The following KCNMA1 variants were observed in gnomAD, a reference collection of about 807,000 sequenced individuals.
KCNMA1 encodes Calcium-activated potassium channel subunit alpha-1.
Under a neutral mutation model 140.0 loss-of-function variants are expected in KCNMA1, and 29 were observed. That is an observed-to-expected ratio of 0.21 (90% CI 0.15 to 0.28). The LOEUF is 0.28. Ranked by LOEUF, KCNMA1 falls within the 10% of genes least tolerant of loss-of-function variation. KCNMA1 has a pLI of 1.00. For missense variants in KCNMA1, 880 were observed against 1,602.2 expected, an observed-to-expected ratio of 0.55 and a Z score of 7.70; for synonymous variants, 612 against 611.9, an observed-to-expected ratio of 1.00 and a Z score of 0.00.
chr10:77,177,890 G>C lies in KCNMA1; in HGVS notation c.808+5531C>G, dbSNP rs184578796. 2.0e-5 allele frequency among the ~76,000 whole-genome samples: 3 copies of C among 152,278 alleles called. No homozygotes were observed. The East Asian group carries it at 5.8e-4, about 29-fold the overall frequency. On this transcript the variant is annotated intron_variant, in intron 5 of 27. Transcript: ENST00000286628. ...TTTATTTTGGTTCCAAAATGAGATT[G>C]AAACTTTAGTCTCAAACAGGAACAA...
At chr10:77,637,201 C>T (rs1381818209) in intron 1 of KCNMA1, 64 bp downstream of exon 1, 28 of 1,443,656 alleles carry the variant, frequency 1.9e-5, no homozygotes, top group Non-Finnish European at 2.6e-5. Flanking sequence ...AGGAGGTGGG[C>T]TGCAGGGGAC....
intron 6 of KCNMA1, among the ~76,000 whole-genome samples, chr10:77,120,674 G>A (rs935600151): frequency 6.6e-6 from 1 of 152,028 alleles, no homozygotes; most frequent in African/African-American, 2.4e-5. Flanking sequence ...CCTTGACACC[G>A]TGGCTCTTAT....
In KCNMA1 at chr10:77,104,219, TG is replaced by T. The variant is rs200678050; in HGVS notation, c.1223+4261del. Among the ~76,000 whole-genome samples the T allele has an allele frequency of 8.9e-3, 1,350 of 152,340 alleles. 14 individuals carry two copies. Among genetic ancestry groups the T allele is most frequent in the South Asian group, 0.027 (130 of 4,818 alleles). On this transcript the variant is annotated intron_variant, in intron 9 of 27. Transcript: ENST00000286628. ...TTACTATTGCCAGAGAAGGCAGTCC[TG>T]GGGCTTTAGGCTGCACTGATTCACA...
At chr10:77,344,822 T>C (rs1236057931) in intron 2 of KCNMA1, among the ~76,000 whole-genome samples, 1 of 152,176 alleles carries the variant, frequency 6.6e-6, no homozygotes, top group East Asian at 1.9e-4. Flanking sequence ...TATTGTAATA[T>C]AAGGTGGGTA....
rs774265262 is a variant in KCNMA1, at chr10:77,177,265, CCTT to C, written c.808+6153_808+6155del. On this transcript the variant is annotated intron_variant, in intron 5 of 27. Transcript: ENST00000286628. ...TTCTTCCTTCCTTCCTTTCTTCCTT[CCTT>C]CTTTCCTTTCTTCCTTCCTTCTTTC... 1.6e-3 allele frequency among the ~76,000 whole-genome samples: 239 copies of C among 151,776 alleles called. 2 individuals carry two copies. Among genetic ancestry groups the C allele is most frequent in the Admixed American group, 2.0e-3 (31 of 15,230 alleles).
At chr10:76,955,860 C>A (rs1431946684) in intron 20 of KCNMA1, among the ~76,000 whole-genome samples, 1 of 152,096 alleles carries the variant, frequency 6.6e-6, no homozygotes, top group Non-Finnish European at 1.5e-5. Flanking sequence ...CTCTTTCCAG[C>A]CCATGAAGAA....
chr10:77,399,097 G>A (rs1051904918), intron 2 of KCNMA1, among the ~76,000 whole-genome samples: 11 of 152,126 alleles, frequency 7.2e-5, no homozygotes, highest in African/African-American at 2.7e-4. Context: ...CCACCGACTT[G>A]GCTCTGAGCA....
At position 77,623,681 on chromosome 10, in the gene KCNMA1, C is replaced by T. The variant is rs564865905; in HGVS notation, c.378+13584G>A. Among the ~76,000 whole-genome samples, 5 of 149,676 alleles carry T rather than the reference C, an allele frequency of 3.3e-5. No homozygotes were observed. In the South Asian group the frequency reaches 8.5e-4, roughly 25 times the overall value. On this transcript the variant is annotated intron_variant, in intron 1 of 27. Coordinates refer to ENST00000286628, the MANE Select transcript of KCNMA1 (RefSeq NM_001161352.2). ...TCGTGACACTGCACCCTAGCCTGGA[C>T]GACAGACCAAGACTCCGTCTCAAAA...
chr10:76,877,987 A>C, intron 29 of KCNMA1: 1 of 1,232,380 alleles, frequency 8.1e-7, no homozygotes, highest in Non-Finnish European at 1.2e-6. Context: ...GAAAAACGCA[A>C]AAAGGTAATC....
At chr10:76,948,920 A>C (rs2065242106) in intron 22 of KCNMA1, 1 of 602,166 alleles carries the variant, frequency 1.7e-6, no homozygotes, top group Non-Finnish European at 3.0e-6. Flanking sequence ...GCTAAACTTC[A>C]TCCCTGATGA....
intron 14 of KCNMA1, among the ~76,000 whole-genome samples, chr10:77,053,435 G>A (rs1005398714): frequency 1.3e-5 from 2 of 152,202 alleles, no homozygotes; most frequent in Non-Finnish European, 2.9e-5. Context: ...TCTAGCCTTA[G>A]GGAGTGGAGG....
chr10:76,948,933 G>T (rs1469015630), intron 22 of KCNMA1: 3 of 619,762 alleles, frequency 4.8e-6, no homozygotes, highest in Non-Finnish European at 8.6e-6. Context: ...CCTGATGAGG[G>T]ACTGAACTTG....
At chr10:77,559,394 G>A (rs1047546665) in intron 1 of KCNMA1, among the ~76,000 whole-genome samples, 3 of 152,172 alleles carry the variant, frequency 2.0e-5, no homozygotes, top group South Asian at 2.1e-4. Flanking sequence ...GGACTCTGTC[G>A]GTGCCCAGGC....
intron 2 of KCNMA1, among the ~76,000 whole-genome samples, chr10:77,325,380 C>T (rs1001372788): frequency 6.6e-6 from 1 of 152,094 alleles, no homozygotes; most frequent in Non-Finnish European, 1.5e-5. Flanking sequence ...CCAGTCCAAC[C>T]GCAAAGTGGA....
chr10:77,336,186 T>C (rs1196933582), intron 2 of KCNMA1, among the ~76,000 whole-genome samples: 1 of 151,686 alleles, frequency 6.6e-6, no homozygotes, highest in Admixed American at 6.6e-5. Context: ...CAGGGGAGGG[T>C]GCTGATATTG....
intron 1 of KCNMA1, among the ~76,000 whole-genome samples, chr10:77,419,504 C>T (rs1280613787): frequency 1.1e-4 from 17 of 152,084 alleles, no homozygotes; most frequent in Admixed American, 1.1e-3. Flanking sequence ...AGAGTTGTTA[C>T]TCAGATTTCT....
intron 2 of KCNMA1, among the ~76,000 whole-genome samples, chr10:77,364,317 G>A (rs1002338509): frequency 6.6e-6 from 1 of 152,014 alleles, no homozygotes; most frequent in East Asian, 1.9e-4. Flanking sequence ...CAGGTATGGT[G>A]GTGTGTGCCT....
chr10:77,007,036 C>T (rs2089024904), intron 18 of KCNMA1, among the ~76,000 whole-genome samples: 1 of 152,188 alleles, frequency 6.6e-6, no homozygotes, highest in South Asian at 2.1e-4. Context: ...GAAACATCTT[C>T]TCCAAATTCC....
intron 1 of KCNMA1, among the ~76,000 whole-genome samples, chr10:77,410,671 C>T (rs1250773751): frequency 6.6e-6 from 1 of 152,240 alleles, no homozygotes; most frequent in African/African-American, 2.4e-5. Context: ...CAGCCCCACT[C>T]GTGCCTGTCA....
Sources: gnomAD v4.1 joint callset for allele counts (sites outside exome capture counted in the v4.1 genomes callset) on GRCh38, gnomAD v4.1.1 for gene constraint, MANE v1.5 for transcripts, NCBI Gene and HGNC (gene_info 2026-07-23, HGNC 2026-07-21) for gene names.